MCM6: variants seen among roughly 807,000 people sequenced by gnomAD.
MCM6 encodes the protein DNA replication licensing factor MCM6.
Under a neutral mutation model 94.3 loss-of-function variants are expected in MCM6, and 46 were observed. That is an observed-to-expected ratio of 0.49 (90% confidence interval 0.39 to 0.62). MCM6 has a LOEUF of 0.62. MCM6 is among the 20% of genes least tolerant of loss of function. MCM6 has a pLI of 0.00. For missense variants in MCM6, 865 were observed against 1,017.9 expected (o/e 0.85, Z 2.04); for synonymous variants, 335 against 351.9 (o/e 0.95, Z 0.54).
chr2:135,842,761 T>C (rs1679597774), intron 16 of MCM6, among the ~76,000 whole-genome samples: 2 of 152,086 alleles, frequency 1.3e-5, no homozygotes, highest in African/African-American at 4.8e-5. Flanking sequence ...AAGGCCCTCA[T>C]ATTTGGTGTG....
chr2:135,842,314 A>G (rs1429442644), intron 16 of MCM6, among the ~76,000 whole-genome samples: 1 of 152,080 alleles, frequency 6.6e-6, no homozygotes, highest in African/African-American at 2.4e-5. Context: ...CTACCCCTCA[A>G]TAATCACAGA....
Position 135,859,664 on chromosome 2 carries a change from A to G in MCM6, c.1221-222T>C, listed in dbSNP as rs77025112. Reference sequence around the variant, plus strand: ...TGTCACCAGACTGGAGTGCAGTGTCACAATCTCAGCTCACTGCAACCTCCA... The same window carrying G: ...TGTCACCAGACTGGAGTGCAGTGTCGCAATCTCAGCTCACTGCAACCTCCA... On this transcript the variant is annotated intron_variant, in intron 8 of 16. Coordinates refer to ENST00000264156, the MANE Select transcript of MCM6 (RefSeq NM_005915.6). 8.6e-3 allele frequency among the ~76,000 whole-genome samples: 1,303 copies of G among 150,942 alleles called. 95 individuals are homozygous for G. In the East Asian group the frequency reaches 0.19, roughly 21 times the overall value.
At chr2:135,863,497 G>A (rs572536140) in intron 7 of MCM6, among the ~76,000 whole-genome samples, 3 of 152,236 alleles carry the variant, frequency 2.0e-5, no homozygotes, top group South Asian at 2.1e-4. Context: ...AGGCCAAGGC[G>A]GGAGGATTGC....
intron 1 of MCM6, 129 bp from the exon 2 acceptor site, chr2:135,872,972 T>C: frequency 1.8e-6 from 2 of 1,082,564 alleles, no homozygotes; most frequent in Admixed American, 2.4e-5. Context: ...GTTCTGTAAC[T>C]TGGGGCAAGT....
At chr2:135,854,231 T>C (rs1195552255) in intron 11 of MCM6, among the ~76,000 whole-genome samples, 1 of 145,690 alleles carries the variant, frequency 6.9e-6, no homozygotes, top group Non-Finnish European at 1.5e-5. Context: ...TGTCTCAAAA[T>C]AAATAACTAA....
intron 16 of MCM6, among the ~76,000 whole-genome samples, chr2:135,843,329 G>C (rs1011222717): frequency 1.3e-5 from 2 of 152,190 alleles, no homozygotes; most frequent in Non-Finnish European, 2.9e-5. Flanking sequence ...TACAGGAGTG[G>C]TGAGAGCTGG....
rs116548682 is a variant in MCM6, at chr2:135,856,668, C to T, written c.1626+60G>A. 7,814 of 1,557,554 alleles carry T rather than the reference C, an allele frequency of 5.0e-3. 28 individuals are homozygous for T. The highest frequency in any genetic ancestry group is 7.3e-3 in the Middle Eastern group (41 of 5,614). On this transcript the variant is annotated intron_variant, in intron 11 of 16. Coordinates refer to ENST00000264156, the MANE Select transcript of MCM6 (RefSeq NM_005915.6). Reference sequence around the variant, plus strand: ...CACCAGCTGTTGAGCAGTGTATCTTCCAGCCTTGTCTCACTCGATTACTCC... The same window carrying T: ...CACCAGCTGTTGAGCAGTGTATCTTTCAGCCTTGTCTCACTCGATTACTCC...
Position 135,876,243 on chromosome 2 carries a change from G to A in MCM6, c.107+16C>T, listed in dbSNP as rs1680294964. The A allele has an allele frequency of 6.3e-7, 1 of 1,579,440 alleles. No homozygotes were observed. The highest frequency in any genetic ancestry group is 8.6e-7 in the Non-Finnish European group (1 of 1,167,278). On this transcript the variant is annotated intron_variant, in intron 1 of 16. Transcript: ENST00000264156. ...GCTCCGGAGGCGGGCGAGGCCCGGG[G>A]CGCTCGCCGACTTACTCCTCCAAGA...
Position 135,852,150 on chromosome 2 carries a change from T to C in MCM6, c.1756-587A>G, listed in dbSNP as rs543721327. Among the ~76,000 whole-genome samples, 12 of 152,306 alleles carry C rather than the reference T, an allele frequency of 7.9e-5. No homozygotes were observed. In the South Asian group the frequency reaches 2.3e-3, roughly 29 times the overall value. ...AAATGATTAAATTTCTTTGGGACAGTGAGAGCCAACTGCAATCTCATGAAT... is the reference window on the plus strand; with the variant it reads ...AAATGATTAAATTTCTTTGGGACAGCGAGAGCCAACTGCAATCTCATGAAT... On this transcript the variant is annotated intron_variant, in intron 12 of 16. Coordinates refer to ENST00000264156, the MANE Select transcript of MCM6 (RefSeq NM_005915.6).
chr2:135,859,637 T>A (rs1347130603), intron 8 of MCM6, among the ~76,000 whole-genome samples, 195 bp from the exon 9 acceptor site: 1 of 151,674 alleles, frequency 6.6e-6, no homozygotes, highest in Non-Finnish European at 1.5e-5. Flanking sequence ...AGGGTCTCGC[T>A]CTGTCACCAG....
chr2:135,875,143 A>T (rs1046921807), intron 1 of MCM6, among the ~76,000 whole-genome samples: 9 of 152,228 alleles, frequency 5.9e-5, no homozygotes, highest in Non-Finnish European at 8.8e-5. Context: ...AGGCGGGGGG[A>T]TCACCTGAGG....
At chr2:135,869,494 G>A (rs886682899) in intron 3 of MCM6, among the ~76,000 whole-genome samples, 3 of 150,478 alleles carry the variant, frequency 2.0e-5, no homozygotes, top group Admixed American at 2.0e-4. Context: ...AAAAAAGCAT[G>A]TGTTACATAA....
chr2:135,858,155 G>A lies in MCM6; in HGVS notation c.1363-151C>T, dbSNP rs953321279. 6 of 693,806 alleles carry A rather than the reference G, an allele frequency of 8.6e-6. No individual in the cohort carries two copies. In the African/African-American group the frequency reaches 1.1e-4, roughly 12 times the overall value. The allele number at this position is 693,806 out of a possible 1,614,324, so 43.0% of individuals were successfully genotyped here. On this transcript the variant is annotated intron_variant, in intron 9 of 16. Transcript: ENST00000264156. Reference sequence around the variant, plus strand: ...GTTACAGTGAGCCATGATTGCCACTGTACTCCAGGTTAGGTGACAGAGTGA... The same window carrying A: ...GTTACAGTGAGCCATGATTGCCACTATACTCCAGGTTAGGTGACAGAGTGA...
intron 14 of MCM6, among the ~76,000 whole-genome samples, chr2:135,847,133 GA>G (rs757322603): frequency 6.6e-5 from 10 of 152,128 alleles, no homozygotes; most frequent in African/African-American, 2.4e-4. Context: ...ACTAACTTGG[GA>G]GGAACGTGAG....
At chr2:135,866,412 T>C in intron 5 of MCM6, 135 bp from the exon 6 acceptor site, 1 of 1,387,450 alleles carries the variant, frequency 7.2e-7, no homozygotes, top group Middle Eastern at 1.9e-4. Context: ...GCACCATTTG[T>C]GGCAAAACCA....
chr2:135,861,636 G>A (rs1485965811), intron 8 of MCM6, among the ~76,000 whole-genome samples: 1 of 151,612 alleles, frequency 6.6e-6, no homozygotes, highest in Non-Finnish European at 1.5e-5. Flanking sequence ...TTTTTGAGAC[G>A]GAGTCTTGCT....
intron 8 of MCM6, among the ~76,000 whole-genome samples, chr2:135,860,123 ATTTT>A (rs1289396657): frequency 1.4e-5 from 2 of 147,132 alleles, no homozygotes; most frequent in Non-Finnish European, 3.0e-5. Flanking sequence ...AATTTTATTT[ATTTT>A]TTAATTTAAT....
Position 135,868,947 on chromosome 2 carries a change from T to C in MCM6, c.366-87A>G, listed in dbSNP as rs1680151558. 43 of 1,340,390 alleles carry C rather than the reference T, an allele frequency of 3.2e-5. No homozygotes were observed. In the South Asian group the frequency reaches 5.1e-4, roughly 16 times the overall value. The allele number at this position is 1,340,390 out of a possible 1,614,324, so 83.0% of individuals were successfully genotyped here. A position where few individuals can be genotyped will look rare whatever the true frequency, so the allele number is the denominator to read the frequency against. On this transcript the variant is annotated intron_variant, in intron 3 of 16. Transcript: ENST00000264156. The stretch of plus-strand genomic sequence containing the variant: ...TTAGTGAGAGGGTATTCAAAGATAA[T>C]TTATGTTTAAAAAAAAAATTCAAGA...
rs188556914 is a variant in MCM6 at position 135,870,198 on chromosome 2, T to C, written c.365+53A>G. 126 of 1,310,264 alleles carry C rather than the reference T, an allele frequency of 9.6e-5. No homozygotes were observed. In the African/African-American group the frequency reaches 1.7e-3, roughly 18 times the overall value. 81.2% of individuals were successfully genotyped at this position (1,310,264 alleles called of 1,614,324 possible). On this transcript the variant is annotated intron_variant, in intron 3 of 16. Transcript: ENST00000264156. The stretch of plus-strand genomic sequence containing the variant: ...TCAAGTTTTCTGACTGTCAGCTAAG[T>C]GGTACTTATACCATTTGGTGAATTC...
Sources: gnomAD v4.1 joint callset for allele counts (sites outside exome capture counted in the v4.1 genomes callset) on GRCh38, gnomAD v4.1.1 for gene constraint, MANE v1.5 for transcripts, NCBI Gene and HGNC (gene_info 2026-07-23, HGNC 2026-07-21) for gene names.